The following UNC80 variants were observed in gnomAD, a reference collection of about 807,000 sequenced individuals.
UNC80 encodes unc-80 subunit of NALCN channel complex.
UNC80 carries 164 observed loss-of-function variants against 384.6 expected under a neutral mutation model. The ratio of observed to expected loss-of-function variants is 0.43; its 90% CI spans 0.38 to 0.49. The LOEUF (loss-of-function observed/expected upper bound fraction) is 0.49. Ranked by LOEUF, UNC80 falls within the 20% of genes least tolerant of loss-of-function variation. The pLI, the probability that UNC80 is intolerant of heterozygous loss-of-function variation, is 0.00. For synonymous variants in UNC80, 1,486 were observed against 1,527.8 expected (o/e 0.97, Z 0.64); for missense variants, 3,330 against 4,143.0 (o/e 0.80, Z 5.39).
chr2:209,882,426 C>T (rs2085384072), intron 25 of UNC80, among the ~76,000 whole-genome samples: 1 of 152,154 alleles, frequency 6.6e-6, no homozygotes, highest in South Asian at 2.1e-4. Context: ...TTCATTGCTT[C>T]ACACTCTAGA....
At chr2:209,903,335 T>G (rs2087657273) in intron 28 of UNC80, among the ~76,000 whole-genome samples, 1 of 134,242 alleles carries the variant, frequency 7.4e-6, no homozygotes. Context: ...TGTGTGTGTG[T>G]GTGTGTGTGT....
At chr2:209,939,351 TCCCC>T in intron 42 of UNC80, 117 bp from the exon 43 acceptor site, 1 of 1,011,060 alleles carries the variant, frequency 9.9e-7, no homozygotes. Context: ...TTTCACTTTT[TCCCC>T]TTTTCCGACT....
At chr2:209,863,149 T>A (rs1319996334) in intron 22 of UNC80, among the ~76,000 whole-genome samples, 2 of 152,214 alleles carry the variant, frequency 1.3e-5, no homozygotes, top group Non-Finnish European at 2.9e-5. Context: ...CTTAAGAATG[T>A]TGAATATGGC....
intron 29 of UNC80, among the ~76,000 whole-genome samples, chr2:209,905,537 G>A (rs529580789): frequency 3.0e-4 from 46 of 152,288 alleles, no homozygotes; most frequent in African/African-American, 1.1e-3. Context: ...ATCTCCTAGA[G>A]CCTTCAGAAG....
chr2:209,982,322 A>T lies in UNC80; in HGVS notation c.9257+5A>T. 2 of 1,550,606 alleles carry T rather than the reference A, an allele frequency of 1.3e-6. No homozygotes were observed. Among genetic ancestry groups the T allele is most frequent in the Non-Finnish European group, 1.7e-6 (2 of 1,146,642 alleles). ...GGGCATGCTACCCAGCCAGAGGTAA[A>T]CAGCTATGGTTATACTGTACTCTGC... is the stretch of plus-strand genomic sequence containing the variant. On this transcript the variant is annotated splice_donor_5th_base_variant and intron_variant, in intron 60 of 64. Coordinates refer to ENST00000673920, the MANE Select transcript of UNC80 (RefSeq NM_001371986.1).
At chr2:209,913,654 A>T in intron 30 of UNC80, 148 bp from the exon 31 acceptor site, 1 of 701,138 alleles carries the variant, frequency 1.4e-6, no homozygotes, top group Non-Finnish European at 2.3e-6. Flanking sequence ...ATCATATGCC[A>T]TGTCAACTAA....
At chr2:209,931,088 C>G (rs1383461501) in intron 38 of UNC80, 34 bp downstream of exon 38, 1 of 1,446,056 alleles carries the variant, frequency 6.9e-7, no homozygotes, top group African/African-American at 1.4e-5. Context: ...AATTACGAAG[C>G]AGCACCATGA....
chr2:209,831,367 C>A, intron 15 of UNC80, 76 bp from the exon 16 acceptor site: 1 of 1,418,572 alleles, frequency 7.0e-7, no homozygotes, highest in Non-Finnish European at 9.3e-7. Flanking sequence ...TTCCTGGGTG[C>A]CAAGTACTGC....
chr2:209,907,272 C>T (rs16843910), intron 29 of UNC80, among the ~76,000 whole-genome samples: 4,125 of 142,858 alleles, frequency 0.029, 208 homozygotes, highest in African/African-American at 0.1. Flanking sequence ...CCATACTTTG[C>T]GCTGGGTACA....
chr2:209,862,083 G>A (rs1177139996), intron 22 of UNC80, among the ~76,000 whole-genome samples: 1 of 151,864 alleles, frequency 6.6e-6, no homozygotes. Flanking sequence ...CTAGCTTTTG[G>A]ATTAGTTTAT....
At chr2:209,855,598 C>G (rs2082851563) in intron 22 of UNC80, among the ~76,000 whole-genome samples, 1 of 152,216 alleles carries the variant, frequency 6.6e-6, no homozygotes, top group East Asian at 1.9e-4. Context: ...AATCACACAC[C>G]TTTACCTCTG....
At chr2:209,803,012 G>A (rs1467265425) in intron 7 of UNC80, among the ~76,000 whole-genome samples, 2 of 152,120 alleles carry the variant, frequency 1.3e-5, no homozygotes, top group Non-Finnish European at 1.5e-5. Context: ...TAGCTGATTT[G>A]TTCAAAACCA....
rs1203834641 is a variant in UNC80 at position 209,959,633 on chromosome 2, G to A, written c.7731G>A (p.Leu2577=). The A allele has an allele frequency of 1.3e-6, 2 of 1,551,600 alleles. No homozygotes were observed. The highest frequency in any genetic ancestry group is 2.0e-5 in the Admixed American group (1 of 50,974). The part of the protein sequence containing the change: ...TEFYKHCGPR[L]KILQNLAGEP... ...TCTATAAGCACTGTGGGCCACGGCT[G>A]AAGATCTTGCAAAATCTGGCTGGGG... The change falls in exon 51 of 65, where the codon CTG becomes CTA. Residue 2577 remains leucine (L), a synonymous_variant. Coordinates refer to ENST00000673920, the MANE Select transcript of UNC80 (RefSeq NM_001371986.1).
At chr2:209,988,121 G>A (rs940093582) in intron 61 of UNC80, among the ~76,000 whole-genome samples, 2 of 152,146 alleles carry the variant, frequency 1.3e-5, no homozygotes, top group African/African-American at 4.8e-5. Context: ...ATTGAGAAAA[G>A]GGGAAGTAGG....
chr2:209,933,641 G>A (rs1022212049), intron 38 of UNC80, among the ~76,000 whole-genome samples, 181 bp from the exon 39 acceptor site: 2 of 152,068 alleles, frequency 1.3e-5, no homozygotes, highest in African/African-American at 2.4e-5. Flanking sequence ...ACAGCAGCCT[G>A]TGTGGTCAGT....
Position 209,995,850 on chromosome 2 carries a change from T to C in UNC80, c.*255T>C, listed in dbSNP as rs1252397442. On this transcript the variant is annotated 3_prime_UTR_variant, in exon 65 of 65. Coordinates refer to ENST00000673920, the MANE Select transcript of UNC80 (RefSeq NM_001371986.1). ...GAATAAGGGGAAAGAGCCATTTCACTGCACATTGTTTATGATTCAAGAAGC... is the reference window on the plus strand; with the variant it reads ...GAATAAGGGGAAAGAGCCATTTCACCGCACATTGTTTATGATTCAAGAAGC... The C allele has an allele frequency of 4.7e-6, 2 of 423,082 alleles. No homozygotes were observed. The highest frequency in any genetic ancestry group is 9.5e-5 in the East Asian group (2 of 21,144). The allele number at this position is 423,082 out of a possible 1,614,324, so 26.2% of individuals were successfully genotyped here.
intron 24 of UNC80, among the ~76,000 whole-genome samples, chr2:209,878,841 T>C (rs1430827445): frequency 1.3e-5 from 2 of 152,192 alleles, no homozygotes; most frequent in East Asian, 3.8e-4. Context: ...GATCTCTTCC[T>C]CCTGACCTTC....
intron 18 of UNC80, among the ~76,000 whole-genome samples, chr2:209,837,993 G>A (rs936360665): frequency 3.3e-5 from 5 of 151,870 alleles, no homozygotes. Flanking sequence ...GAATGGTCTC[G>A]ATCTCCTGAC....
At chr2:209,904,411 A>G (rs1014638536) in intron 28 of UNC80, among the ~76,000 whole-genome samples, 1 of 152,232 alleles carries the variant, frequency 6.6e-6, no homozygotes, top group Non-Finnish European at 1.5e-5. Context: ...GCCCTTTCAT[A>G]TGGTTCCTTC....
Sources: gnomAD v4.1 joint callset for allele counts (sites outside exome capture counted in the v4.1 genomes callset) on GRCh38, gnomAD v4.1.1 for gene constraint, MANE v1.5 for transcripts, NCBI Gene and HGNC (gene_info 2026-07-23, HGNC 2026-07-21) for gene names.